Variants in ADGRL2 observed in about 807,000 individuals in gnomAD.
The protein encoded by ADGRL2 is adhesion G protein-coupled receptor L2, also known as calcium-independent alpha-latrotoxin receptor 2.
ADGRL2 carries 44 observed loss-of-function variants against 157.4 expected under a neutral mutation model. The observed-to-expected ratio is 0.28, with a 90% CI of 0.22 to 0.36. The LOEUF (loss-of-function observed/expected upper bound fraction) is 0.36, where lower values mean the gene tolerates loss of function less well. Ranked by LOEUF, ADGRL2 falls within the 10% of genes least tolerant of loss-of-function variation. The pLI is 1.00. For missense variants in ADGRL2, 1,510 were observed against 1,768.9 expected (o/e 0.85, Z 2.63); for synonymous variants, 585 against 624.7 (o/e 0.94, Z 0.95).
At chr1:81,962,642 A>G (rs1655807072) in intron 11 of ADGRL2, among the ~76,000 whole-genome samples, 1 of 152,092 alleles carries the variant, frequency 6.6e-6, no homozygotes, top group Non-Finnish European at 1.5e-5. Context: ...TCTGCCTTTT[A>G]CAGTTATGTC....
chr1:81,850,338 T>C lies in ADGRL2; in HGVS notation c.73+13281T>C, dbSNP rs534633030. Among the ~76,000 whole-genome samples the C allele has an allele frequency of 1.6e-3, 237 of 151,814 alleles. 1 individual carries two copies. The highest frequency in any genetic ancestry group is 5.3e-3 in the African/African-American group (222 of 41,528). On this transcript the variant is annotated intron_variant, in intron 2 of 23. Coordinates refer to ENST00000686636, the MANE Select transcript of ADGRL2 (RefSeq NM_001366006.2). ...CTTCTTTCTCCCCCTCCTCCTCTTT[T>C]ACCCCTTCTTTCAGTTTTTGAATAT...
Position 81,836,155 on chromosome 1 carries a change from G to A in ADGRL2, c.-100-730G>A, listed in dbSNP as rs568511018. On this transcript the variant is annotated intron_variant, in intron 1 of 23. Coordinates refer to ENST00000686636, the MANE Select transcript of ADGRL2 (RefSeq NM_001366006.2). ...TGAGTTATGTATGCAACCTCAGAAAGGGAGGGAAGAGTTCCCTCCCTGCTG... is the reference window on the plus strand; with the variant it reads ...TGAGTTATGTATGCAACCTCAGAAAAGGAGGGAAGAGTTCCCTCCCTGCTG... Among the ~76,000 whole-genome samples the A allele has an allele frequency of 5.3e-5, 8 of 152,168 alleles. No homozygotes were observed. The South Asian group carries it at 1.5e-3, about 28-fold the overall frequency.
At position 81,435,956 on chromosome 1, in the gene ADGRL2, C is replaced by T. The variant is rs1349021101; in HGVS notation, c.-301-9080C>T. On this transcript the variant is annotated intron_variant, in intron 1 of 24. Transcript: ENST00000370721. ...TACTAAAAATACAAAATTAGCCGGG[C>T]GTGGTGGTGGATGCTGTAATCCCAG... 4.6e-5 allele frequency among the ~76,000 whole-genome samples: 7 copies of T among 151,922 alleles called. No individual in the cohort carries two copies. The South Asian group carries it at 1.3e-3, about 27-fold the overall frequency.
At chr1:81,735,771 C>T (rs1357649912) in intron 1 of ADGRL2, among the ~76,000 whole-genome samples, 1 of 150,858 alleles carries the variant, frequency 6.6e-6, no homozygotes, top group Non-Finnish European at 1.5e-5. Context: ...GCCTGGGTGA[C>T]AGAGTGAGAC....
At chr1:81,946,725 C>A (rs1474451993) in intron 6 of ADGRL2, among the ~76,000 whole-genome samples, 1 of 152,054 alleles carries the variant, frequency 6.6e-6, no homozygotes, top group Non-Finnish European at 1.5e-5. Flanking sequence ...TCCGGAAATA[C>A]CTTTTCACTG....
chr1:81,442,677 T>G (rs1235731257), intron 1 of ADGRL2, among the ~76,000 whole-genome samples: 1 of 152,196 alleles, frequency 6.6e-6, no homozygotes, highest in Non-Finnish European at 1.5e-5. Flanking sequence ...TCAGTATCAG[T>G]CAGATTTGCT....
At chr1:81,522,541 G>A (rs1468321291) in intron 2 of ADGRL2, among the ~76,000 whole-genome samples, 1 of 152,176 alleles carries the variant, frequency 6.6e-6, no homozygotes, top group Non-Finnish European at 1.5e-5. Context: ...ACATATCAAG[G>A]AGGTGTAGAT....
intron 2 of ADGRL2, among the ~76,000 whole-genome samples, chr1:81,498,516 C>T (rs139637200): frequency 2.2e-3 from 332 of 152,294 alleles, no homozygotes; most frequent in African/African-American, 7.7e-3. Flanking sequence ...CTCCCCCATA[C>T]TGGACCGACA....
At chr1:81,473,906 T>C (rs1221523146) in intron 2 of ADGRL2, among the ~76,000 whole-genome samples, 1 of 152,200 alleles carries the variant, frequency 6.6e-6, no homozygotes, top group Non-Finnish European at 1.5e-5. Context: ...GCAAACACTC[T>C]TGGGAGGCTC....
At chr1:81,969,858 G>C (rs960696483) in intron 15 of ADGRL2, among the ~76,000 whole-genome samples, 2 of 152,006 alleles carry the variant, frequency 1.3e-5, no homozygotes, top group South Asian at 4.1e-4. Context: ...CAGGAACTGG[G>C]TAATTAGAGC....
chr1:81,926,839 G>C (rs2095118469), intron 3 of ADGRL2, among the ~76,000 whole-genome samples: 1 of 151,972 alleles, frequency 6.6e-6, no homozygotes, highest in South Asian at 2.1e-4. Flanking sequence ...GCAAACAACA[G>C]ATTTTGTACT....
chr1:81,882,044 A>G (rs2094002014), intron 2 of ADGRL2, among the ~76,000 whole-genome samples: 1 of 152,166 alleles, frequency 6.6e-6, no homozygotes, highest in South Asian at 2.1e-4. Context: ...GATGTACTAC[A>G]AAAGTCTGTA....
chr1:81,335,851 A>G (rs1343728691), intron 1 of ADGRL2, among the ~76,000 whole-genome samples: 1 of 152,082 alleles, frequency 6.6e-6, no homozygotes, highest in Admixed American at 6.5e-5. Flanking sequence ...AAAAAAAACA[A>G]AAAACAAAAA....
In ADGRL2 at chr1:81,505,107, C is replaced by T. The variant is rs551621184; in HGVS notation, c.-248+60018C>T. ...GTAGGAGAGGAAAGGGAATCAAAAG[C>T]TTGAGCACAAACAGATACCTCAGCC... On this transcript the variant is annotated intron_variant, in intron 2 of 24. Coordinates refer to the ADGRL2 transcript ENST00000370721. 1,640 of 429,204 alleles carry T rather than the reference C, an allele frequency of 3.8e-3. 19 individuals carry two copies. The highest frequency in any genetic ancestry group is 0.027 in the African/African-American group (1,358 of 50,570). 26.6% of individuals were successfully genotyped at this position (429,204 alleles called of 1,614,324 possible). A position where few individuals can be genotyped will look rare whatever the true frequency, so the allele number is the denominator to read the frequency against.
intron 1 of ADGRL2, among the ~76,000 whole-genome samples, chr1:81,730,813 C>T (rs150171070): frequency 6.6e-6 from 1 of 152,148 alleles, no homozygotes; most frequent in African/African-American, 2.4e-5. Flanking sequence ...TTCACTCTTA[C>T]CTTAATAATT....
At chr1:81,394,371 T>C (rs1031222626) in intron 1 of ADGRL2, among the ~76,000 whole-genome samples, 15 of 152,258 alleles carry the variant, frequency 9.9e-5, no homozygotes, top group African/African-American at 3.6e-4. Flanking sequence ...CCTCCTCCTG[T>C]ACCCTTCCCA....
intron 1 of ADGRL2, among the ~76,000 whole-genome samples, chr1:81,812,309 G>T (rs2089957212): frequency 6.6e-6 from 1 of 151,326 alleles, no homozygotes; most frequent in Admixed American, 6.6e-5. Context: ...TTTTATTTTT[G>T]TTTGAAAAAA....
At chr1:81,747,247 A>G (rs1421933659) in intron 1 of ADGRL2, among the ~76,000 whole-genome samples, 3 of 147,916 alleles carry the variant, frequency 2.0e-5, no homozygotes, top group Non-Finnish European at 4.5e-5. Flanking sequence ...ATATATGTAT[A>G]TGTGTGTATA....
chr1:81,640,860 A>G (rs1049478329), intron 3 of ADGRL2, among the ~76,000 whole-genome samples: 1 of 152,160 alleles, frequency 6.6e-6, no homozygotes, highest in Non-Finnish European at 1.5e-5. Context: ...TCTCCAATTG[A>G]CATGAAAATA....
Sources: gnomAD v4.1 joint callset for allele counts (sites outside exome capture counted in the v4.1 genomes callset) on GRCh38, gnomAD v4.1.1 for gene constraint, MANE v1.5 for transcripts, NCBI Gene and HGNC (gene_info 2026-07-23, HGNC 2026-07-21) for gene names.